Variants in SLC16A4 observed in about 807,000 individuals in gnomAD.
SLC16A4 encodes the protein probable monocarboxylate transporter 5.
A neutral mutation model predicts 47.9 loss-of-function variants in SLC16A4; 39 were observed. The ratio of observed to expected loss-of-function variants is 0.81; its 90% confidence interval spans 0.63 to 1.06. The LOEUF (loss-of-function observed/expected upper bound fraction) is 1.06, where lower values mean the gene tolerates loss of function less well. Among genes scored for constraint, SLC16A4 ranks in the 50% least tolerant of loss-of-function variants. SLC16A4 has a pLI of 0.00. For synonymous variants in SLC16A4, 189 were observed against 199.9 expected (o/e 0.95, Z 0.46); for missense variants, 524 against 573.8 (o/e 0.91, Z 0.89).
chr1:110,379,301 G>A lies in SLC16A4; in HGVS notation c.582C>T (p.Leu194=), dbSNP rs1184404360. 1 of 1,612,852 alleles carries A rather than the reference G, an allele frequency of 6.2e-7. No individual in the cohort carries two copies. The highest frequency in any genetic ancestry group is 1.7e-5 in the Admixed American group (1 of 59,994). ...CACTTTTGATATGGATGGGTCTTAA[G>A]AGCATACTAGAAGGCACCAAATTCA... is the stretch of plus-strand genomic sequence containing the variant. ...IALNLVPSSM[L]LRPIHIKSEN... Residue 194 remains leucine (L), a synonymous_variant, in exon 6 of 9, where the codon CTC becomes CTT. Transcript: ENST00000369779.
intron 2 of SLC16A4, among the ~76,000 whole-genome samples, chr1:110,385,264 C>T (rs576157647): frequency 2.0e-4 from 31 of 152,300 alleles, no homozygotes; most frequent in African/African-American, 7.0e-4. Flanking sequence ...CAAACAACTT[C>T]GCACGTCACA....
Position 110,363,625 on chromosome 1 carries a change from C to CAA in SLC16A4, c.*139_*140dup, listed in dbSNP as rs57148886. The stretch of plus-strand genomic sequence containing the variant: ...TGGGCGAAAGAGCGAGACTCCGTCT[C>CAA]AAAAAAAAAAAAAAAAAAATTGTTT... On this transcript the variant is annotated 3_prime_UTR_variant, in exon 9 of 9. Coordinates refer to ENST00000369779, the MANE Select transcript of SLC16A4 (RefSeq NM_004696.3). 0.042 allele frequency: 20,099 copies of CAA among 480,368 alleles called. No individual in the cohort carries two copies. Among genetic ancestry groups the CAA allele is most frequent in the Non-Finnish European group, 0.048 (16,164 of 339,038 alleles). 29.8% of individuals were successfully genotyped at this position (480,368 alleles called of 1,614,324 possible).
intron 2 of SLC16A4, among the ~76,000 whole-genome samples, chr1:110,384,451 T>G (rs1222127575): frequency 1.3e-5 from 2 of 152,226 alleles, no homozygotes; most frequent in African/African-American, 4.8e-5. Context: ...CCACTAGAAT[T>G]GCTGCTTTGG....
At chr1:110,378,043 A>T (rs1662110815) in intron 6 of SLC16A4, among the ~76,000 whole-genome samples, 1 of 152,044 alleles carries the variant, frequency 6.6e-6, no homozygotes, top group Non-Finnish European at 1.5e-5. Context: ...GTTAGCTAGG[A>T]TGGTCTTGAT....
At chr1:110,364,232 T>C (rs530197267) in intron 8 of SLC16A4, among the ~76,000 whole-genome samples, 2 of 152,276 alleles carry the variant, frequency 1.3e-5, no homozygotes, top group South Asian at 4.1e-4. Context: ...ATCAGTTTTC[T>C]TTTTTTTCCT....
intron 8 of SLC16A4, among the ~76,000 whole-genome samples, chr1:110,374,597 A>C (rs1439546846): frequency 1.3e-5 from 2 of 152,242 alleles, no homozygotes; most frequent in Non-Finnish European, 2.9e-5. Flanking sequence ...CTGTGTGAGT[A>C]TTCAAGTTTG....
intron 2 of SLC16A4, among the ~76,000 whole-genome samples, chr1:110,388,774 G>A (rs1662866955): frequency 6.6e-6 from 1 of 152,194 alleles, no homozygotes; most frequent in Non-Finnish European, 1.5e-5. Flanking sequence ...GCAGTGGCAC[G>A]ATCTTGGCTC....
intron 8 of SLC16A4, among the ~76,000 whole-genome samples, chr1:110,367,573 G>A (rs960223529): frequency 7.2e-5 from 11 of 152,150 alleles, no homozygotes; most frequent in Admixed American, 6.5e-4. Context: ...GCACATGCCT[G>A]TAGTCCCAGC....
Position 110,378,927 on chromosome 1 carries a change from G to A in SLC16A4, c.956C>T (p.Thr319Ile), listed in dbSNP as rs1207471876. The A allele has an allele frequency of 5.6e-6, 9 of 1,614,176 alleles. No individual in the cohort carries two copies. Among genetic ancestry groups the A allele is most frequent in the Non-Finnish European group, 7.6e-6 (9 of 1,180,028 alleles). Reference protein sequence around the residue: ...LLSQLAYFIPTFHLVARAKTL... With the variant: ...LLSQLAYFIPIFHLVARAKTL... ...TTTGGCTCTGGCTACCAGGTGAAAG[G>A]TAGGGATGAAGTATGCTAACTGACT... The change falls in exon 6 of 9, where the codon ACC (threonine) becomes ATC (isoleucine). Residue 319 changes from threonine to isoleucine, a missense_variant. Physicochemically the swap from Thr to Ile is moderately conservative, Grantham distance 89. Coordinates refer to ENST00000369779, the MANE Select transcript of SLC16A4 (RefSeq NM_004696.3).
Position 110,363,901 on chromosome 1 carries a change from G to T in SLC16A4, c.1337-8C>A. 1 of 1,592,720 alleles carries T rather than the reference G, an allele frequency of 6.3e-7. No homozygotes were observed. ...TATAATCATATAACCAGCCTGGAAG[G>T]AAGGAATGATTTCTGTTAGGGAAGG... On this transcript the variant is annotated splice_polypyrimidine_tract_variant and splice_region_variant and intron_variant, in intron 8 of 8. Transcript: ENST00000369779.
intron 3 of SLC16A4, 26 bp downstream of exon 3, chr1:110,382,804 TAGAC>T (rs2101055864): frequency 1.3e-6 from 2 of 1,539,526 alleles, no homozygotes; most frequent in Non-Finnish European, 1.8e-6. Context: ...TTCTTCTCCT[TAGAC>T]AGCAAGCTTA....
intron 3 of SLC16A4, 120 bp from the exon 4 acceptor site, chr1:110,381,915 C>T (rs536461382): frequency 2.9e-5 from 27 of 931,354 alleles, no homozygotes; most frequent in Admixed American, 1.6e-4. Flanking sequence ...TGAAGTATTA[C>T]GTATTCTTCA....
chr1:110,384,982 C>T (rs1662657676), intron 2 of SLC16A4, among the ~76,000 whole-genome samples: 1 of 152,128 alleles, frequency 6.6e-6, no homozygotes, highest in Non-Finnish European at 1.5e-5. Context: ...TACTGCACTC[C>T]AGCCTGGGCG....
intron 8 of SLC16A4, among the ~76,000 whole-genome samples, chr1:110,364,209 AG>A (rs1661240026): frequency 6.6e-6 from 1 of 152,162 alleles, no homozygotes; most frequent in African/African-American, 2.4e-5. Flanking sequence ...AGAGAAAAAA[AG>A]AAGTGATAAT....
chr1:110,382,134 T>G (rs907327629), intron 3 of SLC16A4, among the ~76,000 whole-genome samples: 3 of 152,218 alleles, frequency 2.0e-5, no homozygotes, highest in Non-Finnish European at 4.4e-5. Flanking sequence ...TCCACCCTGT[T>G]ACAGCTCCAA....
intron 5 of SLC16A4, among the ~76,000 whole-genome samples, chr1:110,379,621 G>A (rs1056808329): frequency 1.3e-5 from 2 of 151,930 alleles, no homozygotes; most frequent in Non-Finnish European, 2.9e-5. Flanking sequence ...GGTAGGGGGG[G>A]CAAGTTTTTG....
chr1:110,366,630 C>T (rs1208488793), intron 8 of SLC16A4, among the ~76,000 whole-genome samples: 2 of 152,118 alleles, frequency 1.3e-5, no homozygotes, highest in Non-Finnish European at 2.9e-5. Flanking sequence ...AGCACAGTAA[C>T]ATGCTGTATA....
At chr1:110,390,288 C>T (rs1398748609) in intron 1 of SLC16A4, among the ~76,000 whole-genome samples, 1 of 152,104 alleles carries the variant, frequency 6.6e-6, no homozygotes, top group African/African-American at 2.4e-5. Context: ...GCTGGTCCTC[C>T]GGGTGAACTC....
intron 6 of SLC16A4, 146 bp from the exon 7 acceptor site, chr1:110,377,307 C>CT: frequency 1.6e-6 from 1 of 643,992 alleles, no homozygotes; most frequent in South Asian, 1.9e-5. Flanking sequence ...CCAGTAAGCT[C>CT]TATTATATAC....
Sources: gnomAD v4.1 joint callset for allele counts (sites outside exome capture counted in the v4.1 genomes callset) on GRCh38, gnomAD v4.1.1 for gene constraint, MANE v1.5 for transcripts, NCBI Gene and HGNC (gene_info 2026-07-23, HGNC 2026-07-21) for gene names.